Variants in CDH4 observed in about 807,000 individuals in gnomAD.
CDH4 encodes the protein cadherin 4, also known as cadherin-4.
A neutral mutation model predicts 86.0 loss-of-function variants in CDH4; 33 were observed. The ratio of observed to expected loss-of-function variants is 0.38; its 90% CI spans 0.29 to 0.51. The LOEUF (loss-of-function observed/expected upper bound fraction) is 0.51. Ranked by LOEUF, CDH4 falls within the 20% of genes least tolerant of loss-of-function variation. The pLI is 0.86. For missense variants in CDH4, 1,114 were observed against 1,307.4 expected (o/e 0.85, Z 2.28); for synonymous variants, 555 against 549.4 (o/e 1.01, Z -0.14).
At position 61,305,570 on chromosome 20, in the gene CDH4, T is replaced by C. The variant is rs186232036; in HGVS notation, c.169+50633T>C. 1.4e-3 allele frequency among the ~76,000 whole-genome samples: 209 copies of C among 152,372 alleles called. 1 individual carries two copies. Among genetic ancestry groups the C allele is most frequent in the Admixed American group, 9.9e-3 (151 of 15,308 alleles). On this transcript the variant is annotated intron_variant, in intron 2 of 15. Coordinates refer to ENST00000614565, the MANE Select transcript of CDH4 (RefSeq NM_001794.5). ...CTAAGTTATTAAAAATAAAACTCCC[T>C]TGATTCTTTTCAATTCTCTTGACCT...
chr20:61,639,778 T>A (rs2086986251), intron 2 of CDH4, among the ~76,000 whole-genome samples: 1 of 152,130 alleles, frequency 6.6e-6, no homozygotes, highest in African/African-American at 2.4e-5. Flanking sequence ...GAACAGCGTC[T>A]TTATTTCTTG....
intron 6 of CDH4, among the ~76,000 whole-genome samples, chr20:61,856,327 A>G (rs1278636414): frequency 6.6e-6 from 1 of 152,138 alleles, no homozygotes; most frequent in African/African-American, 2.4e-5. Context: ...GGACATGAGC[A>G]TGCCAGTACA....
Position 61,902,288 on chromosome 20 carries a change from C to G in CDH4, c.1188+7241C>G, listed in dbSNP as rs1448369892. Among the ~76,000 whole-genome samples the G allele has an allele frequency of 6.6e-6, 1 of 152,200 alleles. No homozygotes were observed. Among genetic ancestry groups the G allele is most frequent in the African/African-American group, 2.4e-5 (1 of 41,450 alleles). ...AGCCGGGGCCTCTGAAACCAGGACCCCCGGGGCCTCCATTCCAGGAGAAGC... is the reference window on the plus strand; with the variant it reads ...AGCCGGGGCCTCTGAAACCAGGACCGCCGGGGCCTCCATTCCAGGAGAAGC... On this transcript the variant is annotated intron_variant, in intron 8 of 15. Transcript: ENST00000614565. This position sits in a 1 kb window ranked among gnomAD's most constrained non-coding sequence, Gnocchi z 4.6.
intron 7 of CDH4, among the ~76,000 whole-genome samples, chr20:61,875,941 C>A (rs1984003869): frequency 6.6e-6 from 1 of 150,400 alleles, no homozygotes; most frequent in Non-Finnish European, 1.5e-5. Context: ...TCCCCCAACA[C>A]ACACACACAC....
chr20:61,317,134 T>C (rs1023490198), intron 2 of CDH4, among the ~76,000 whole-genome samples: 2 of 152,116 alleles, frequency 1.3e-5, no homozygotes, highest in African/African-American at 4.8e-5. Flanking sequence ...ATCCCGGCAC[T>C]TTGGGAGGCC....
chr20:61,773,176 C>T lies in CDH4; in HGVS notation c.570C>T (p.Leu190=). 1 of 1,569,966 alleles carries T rather than the reference C, an allele frequency of 6.4e-7. No individual in the cohort carries two copies. Among genetic ancestry groups the T allele is most frequent in the South Asian group, 1.2e-5 (1 of 86,016 alleles). ...ENSRGPFPQQ[L]VRIRSDKDND... is the part of the protein sequence containing the mutation. Reference sequence around the variant, plus strand: ...CGCGCGGGCCCTTCCCGCAGCAGCTCGTGAGGGTGAGTGCAGACCCCTCCC... The same window carrying T: ...CGCGCGGGCCCTTCCCGCAGCAGCTTGTGAGGGTGAGTGCAGACCCCTCCC... The change falls in exon 4 of 16, where the codon CTC becomes CTT. Residue 190 remains leucine (L), a synonymous_variant. Coordinates refer to ENST00000614565, the MANE Select transcript of CDH4 (RefSeq NM_001794.5).
At chr20:61,782,540 C>T (rs1019331949) in intron 4 of CDH4, among the ~76,000 whole-genome samples, 4 of 152,072 alleles carry the variant, frequency 2.6e-5, no homozygotes, top group Admixed American at 1.3e-4. Flanking sequence ...TTTTAAAAAG[C>T]TGACTATTTA....
intron 2 of CDH4, among the ~76,000 whole-genome samples, chr20:61,655,810 C>T (rs1201398797): frequency 1.3e-5 from 2 of 152,222 alleles, no homozygotes; most frequent in Non-Finnish European, 2.9e-5. Flanking sequence ...TGTCCCATCA[C>T]CTGCAGGGTC....
intron 2 of CDH4, among the ~76,000 whole-genome samples, chr20:61,632,502 A>G (rs2086898391): frequency 6.6e-6 from 1 of 152,124 alleles, no homozygotes; most frequent in Non-Finnish European, 1.5e-5. Context: ...ACTTTCACAC[A>G]GGGAACCTCA....
chr20:61,381,145 A>G (rs1254791693), intron 2 of CDH4, among the ~76,000 whole-genome samples: 1 of 152,156 alleles, frequency 6.6e-6, no homozygotes, highest in East Asian at 1.9e-4. Context: ...TGGAGTAGTG[A>G]TCTCGAATGA....
chr20:61,454,514 C>T (rs1026148153), intron 2 of CDH4, among the ~76,000 whole-genome samples: 2 of 152,132 alleles, frequency 1.3e-5, no homozygotes, highest in South Asian at 2.1e-4. Flanking sequence ...GGCGCGATCT[C>T]GGCTCACTGC....
chr20:61,758,983 A>G (rs986181498), intron 3 of CDH4, among the ~76,000 whole-genome samples: 7 of 152,176 alleles, frequency 4.6e-5, no homozygotes, highest in Admixed American at 3.9e-4. Flanking sequence ...GGGTGTGCAC[A>G]TGGGTGTGCA....
intron 2 of CDH4, among the ~76,000 whole-genome samples, chr20:61,624,132 G>T (rs1048022335): frequency 4.6e-5 from 7 of 152,158 alleles, no homozygotes; most frequent in African/African-American, 1.7e-4. Context: ...TCAGAAGGCT[G>T]CTAGAAGGGT....
At chr20:61,404,657 T>C (rs2085070268) in intron 2 of CDH4, among the ~76,000 whole-genome samples, 1 of 151,976 alleles carries the variant, frequency 6.6e-6, no homozygotes, top group East Asian at 1.9e-4. Context: ...TCTGAGCTGC[T>C]TCTTAAGGAA....
chr20:61,477,573 C>T (rs1292131296), intron 2 of CDH4, among the ~76,000 whole-genome samples: 1 of 152,220 alleles, frequency 6.6e-6, no homozygotes, highest in Non-Finnish European at 1.5e-5. Flanking sequence ...CACATAGGTC[C>T]ACATCCCGCC....
At chr20:61,770,649 T>C (rs965612144) in intron 3 of CDH4, among the ~76,000 whole-genome samples, 4 of 152,148 alleles carry the variant, frequency 2.6e-5, no homozygotes, top group African/African-American at 7.2e-5. Flanking sequence ...TTTGGGAGGC[T>C]GAGACGGGAG....
chr20:61,672,374 T>C (rs2087400139), intron 2 of CDH4, among the ~76,000 whole-genome samples: 1 of 152,154 alleles, frequency 6.6e-6, no homozygotes, highest in African/African-American at 2.4e-5. Flanking sequence ...TGCCAGGTGC[T>C]GTCCCTGTCC....
At chr20:61,848,349 C>T (rs1982553609) in intron 5 of CDH4, among the ~76,000 whole-genome samples, 1 of 152,242 alleles carries the variant, frequency 6.6e-6, no homozygotes. Context: ...CACTTTTGCA[C>T]ACACGTTGCC....
chr20:61,592,878 G>A (rs554205612), intron 2 of CDH4, among the ~76,000 whole-genome samples: 1 of 152,288 alleles, frequency 6.6e-6, no homozygotes, highest in South Asian at 2.1e-4. Context: ...TGTGATCCCT[G>A]GAGCCTGTGA....
Sources: gnomAD v4.1 joint callset for allele counts (sites outside exome capture counted in the v4.1 genomes callset) on GRCh38, gnomAD v4.1.1 for gene constraint, Gnocchi (gnomAD v3.1) non-coding constraint, MANE v1.5 for transcripts, NCBI Gene and HGNC (gene_info 2026-07-23, HGNC 2026-07-21) for gene names.